PALMD: variants seen among roughly 807,000 people sequenced by gnomAD.
PALMD encodes the protein palmdelphin.
Under a neutral mutation model 56.2 loss-of-function variants are expected in PALMD, and 42 were observed. The observed-to-expected ratio is 0.75, with a 90% CI of 0.58 to 0.97. PALMD has a LOEUF of 0.97. Ranked by LOEUF, PALMD falls within the 50% of genes least tolerant of loss-of-function variation. The pLI, the probability that PALMD is intolerant of heterozygous loss-of-function variation, is 0.00. For synonymous variants in PALMD, 242 were observed against 222.9 expected, an observed-to-expected ratio of 1.09 and a Z score of -0.76; for missense variants, 660 against 643.8, an observed-to-expected ratio of 1.03 and a Z score of -0.27.
At chr1:99,654,611 A>G (rs577290136) in intron 1 of PALMD, among the ~76,000 whole-genome samples, 1 of 152,194 alleles carries the variant, frequency 6.6e-6, no homozygotes, top group African/African-American at 2.4e-5. Flanking sequence ...CTCATCCACA[A>G]TATAAATTGT....
intron 3 of PALMD, chr1:99,686,475 C>T (rs570492618): frequency 8.3e-6 from 3 of 361,060 alleles, no homozygotes; most frequent in African/African-American, 2.1e-5. Context: ...ACTTGAAAAT[C>T]GTTCAAAGTC....
intron 7 of PALMD, 97 bp downstream of exon 7, chr1:99,689,969 C>T (rs753121970): frequency 1.1e-4 from 120 of 1,138,678 alleles, no homozygotes; most frequent in Middle Eastern, 2.0e-4. Flanking sequence ...CTGACCACCT[C>T]ATAAACTAAT....
intron 1 of PALMD, among the ~76,000 whole-genome samples, chr1:99,658,226 A>G (rs1423193731): frequency 6.6e-6 from 1 of 151,148 alleles, no homozygotes; most frequent in Non-Finnish European, 1.5e-5. Flanking sequence ...ATCACTTGAG[A>G]CCAGGAGGCA....
intron 1 of PALMD, among the ~76,000 whole-genome samples, chr1:99,656,551 C>T (rs1652728610): frequency 6.6e-6 from 1 of 152,170 alleles, no homozygotes; most frequent in Non-Finnish European, 1.5e-5. Context: ...AAACATTCAA[C>T]TATTTTAATT....
Position 99,686,932 on chromosome 1 carries a change from T to C in PALMD, c.369T>C (p.Ser123=), listed in dbSNP as rs761060318. The C allele has an allele frequency of 2.5e-6, 4 of 1,573,948 alleles. No homozygotes were observed. The East Asian group carries it at 6.7e-5, about 26-fold the overall frequency. The change falls in exon 5 of 8, where the codon TCT becomes TCC. Residue 123 remains serine (S), a splice_region_variant and synonymous_variant. Coordinates refer to ENST00000263174, the MANE Select transcript of PALMD (RefSeq NM_017734.5). ...TGGAGAATTCTTTTTTCTTACAGTC[T>C]GTGAAAGTGGAAAGAGAAGAAAGAG... ...IERTTEDIIR[S]VKVEREERAE...
intron 1 of PALMD, among the ~76,000 whole-genome samples, chr1:99,651,394 C>T (rs1226163802): frequency 1.3e-5 from 2 of 152,264 alleles, no homozygotes; most frequent in Non-Finnish European, 1.5e-5. Context: ...CCTCTACTGA[C>T]AAAGATCCCC....
At chr1:99,666,063 T>C (rs796228705) in intron 2 of PALMD, among the ~76,000 whole-genome samples, 2 of 152,152 alleles carry the variant, frequency 1.3e-5, no homozygotes, top group African/African-American at 4.8e-5. Context: ...ACAAATGTGA[T>C]GATCTGGGGT....
chr1:99,668,550 A>C (rs2100862826), intron 3 of PALMD: 1 of 152,192 alleles, frequency 6.6e-6, no homozygotes, highest in Admixed American at 6.5e-5. Flanking sequence ...CTTCCATCAT[A>C]TTTCTCTCAG....
At chr1:99,657,953 C>A (rs1445234688) in intron 1 of PALMD, among the ~76,000 whole-genome samples, 1 of 152,212 alleles carries the variant, frequency 6.6e-6, no homozygotes, top group African/African-American at 2.4e-5. Flanking sequence ...CTCCCCTCAA[C>A]CTGCATCATA....
Position 99,689,174 on chromosome 1 carries a change from T to C in PALMD, c.914T>C (p.Met305Thr), listed in dbSNP as rs1370193063. The change falls in exon 7 of 8, where the codon ATG becomes ACG. Residue 305 changes from methionine (M) to threonine (T), a missense_variant. Met to Thr is a moderately conservative substitution (Grantham distance 81). Transcript: ENST00000263174. ...GGTGTAAATGAATCCATACACAATATGGGCAATGGTCTTTCAGAGGAAAGG... is the reference window on the plus strand; with the variant it reads ...GGTGTAAATGAATCCATACACAATACGGGCAATGGTCTTTCAGAGGAAAGG... ...GIGVNESIHNMGNGLSEERGN... is the reference protein window; with the variant it reads ...GIGVNESIHNTGNGLSEERGN... 6.2e-7 allele frequency: 1 copy of C among 1,613,412 alleles called. No homozygotes were observed. Among genetic ancestry groups the C allele is most frequent in the African/African-American group, 1.3e-5 (1 of 74,794 alleles).
chr1:99,660,966 A>G (rs988768761), intron 1 of PALMD, among the ~76,000 whole-genome samples: 5 of 152,242 alleles, frequency 3.3e-5, no homozygotes, highest in African/African-American at 4.8e-5. Flanking sequence ...ATACAGTTGG[A>G]GAGCAATATG....
chr1:99,682,962 C>T (rs1443968986), intron 3 of PALMD, among the ~76,000 whole-genome samples: 4 of 150,200 alleles, frequency 2.7e-5, no homozygotes, highest in African/African-American at 7.4e-5. Flanking sequence ...GCCGAGATTG[C>T]ACCACTACAC....
At chr1:99,666,575 A>G (rs1334256419) in intron 2 of PALMD, among the ~76,000 whole-genome samples, 1 of 152,178 alleles carries the variant, frequency 6.6e-6, no homozygotes, top group Admixed American at 6.6e-5. Context: ...GAAGTCCCAG[A>G]AAATAAAGTT....
chr1:99,654,811 G>C (rs1258399002), intron 1 of PALMD, among the ~76,000 whole-genome samples: 1 of 152,080 alleles, frequency 6.6e-6, no homozygotes, highest in Non-Finnish European at 1.5e-5. Context: ...TGCTTGGTTG[G>C]TTGGTTGCTT....
intron 1 of PALMD, among the ~76,000 whole-genome samples, chr1:99,659,410 G>A (rs981121708): frequency 2.0e-5 from 3 of 152,310 alleles, no homozygotes; most frequent in Middle Eastern, 6.8e-3. Flanking sequence ...TGGACATTGA[G>A]AAATAAGCAA....
intron 1 of PALMD, among the ~76,000 whole-genome samples, chr1:99,648,888 CAAAAA>C (rs34722891): frequency 7.9e-6 from 1 of 126,920 alleles, no homozygotes; most frequent in Non-Finnish European, 1.6e-5. Flanking sequence ...TTCTTTTTCT[CAAAAA>C]AAAAAAAAAA....
intron 2 of PALMD, among the ~76,000 whole-genome samples, chr1:99,667,096 T>C (rs1211021965): frequency 6.6e-6 from 1 of 152,196 alleles, no homozygotes; most frequent in South Asian, 2.1e-4. Context: ...ACACTGAATA[T>C]GTTTAAGTTA....
chr1:99,676,261 T>G (rs1383716819), intron 3 of PALMD, among the ~76,000 whole-genome samples: 1 of 152,200 alleles, frequency 6.6e-6, no homozygotes, highest in African/African-American at 2.4e-5. Context: ...ACACATGCCC[T>G]TTGACAATGG....
intron 6 of PALMD, among the ~76,000 whole-genome samples, chr1:99,688,176 G>T (rs975200109): frequency 3.3e-5 from 5 of 151,980 alleles, no homozygotes; most frequent in African/African-American, 9.7e-5. Flanking sequence ...ACATAAGGCA[G>T]AAAGAGAAGT....
Sources: gnomAD v4.1 joint callset for allele counts (sites outside exome capture counted in the v4.1 genomes callset) on GRCh38, gnomAD v4.1.1 for gene constraint, MANE v1.5 for transcripts, NCBI Gene and HGNC (gene_info 2026-07-23, HGNC 2026-07-21) for gene names.